Variants in MCTP1 observed in about 807,000 individuals in gnomAD.
MCTP1 encodes the protein multiple C2 and transmembrane domain containing 1, also known as multiple C2 and transmembrane domain-containing protein 1.
In MCTP1, 69 loss-of-function variants were observed where a neutral mutation model predicts 120.6. That is an observed-to-expected ratio of 0.57 (90% CI 0.47 to 0.70). The LOEUF (loss-of-function observed/expected upper bound fraction) is 0.70, where lower values mean the gene tolerates loss of function less well. Ranked by LOEUF, MCTP1 falls within the 30% of genes least tolerant of loss-of-function variation. The pLI, the probability that MCTP1 is intolerant of heterozygous loss-of-function variation, is 0.00. For synonymous variants in MCTP1, 529 were observed against 493.1 expected (o/e 1.07, Z -0.96); for missense variants, 1,203 against 1,248.8 (o/e 0.96, Z 0.55).
chr5:95,117,275 C>G (rs1757889684), intron 1 of MCTP1, among the ~76,000 whole-genome samples: 1 of 151,700 alleles, frequency 6.6e-6, no homozygotes, highest in Non-Finnish European at 1.5e-5. Flanking sequence ...CCTGTAGTCC[C>G]AGCTACTCAG....
At chr5:94,912,235 G>C (rs1487353552) in intron 9 of MCTP1, among the ~76,000 whole-genome samples, 5 of 151,704 alleles carry the variant, frequency 3.3e-5, no homozygotes, top group Non-Finnish European at 7.4e-5. Flanking sequence ...GACCATCCTG[G>C]CTAACATGGT....
chr5:95,264,019 G>T (rs1421977177), intron 1 of MCTP1, among the ~76,000 whole-genome samples: 2 of 152,156 alleles, frequency 1.3e-5, no homozygotes, highest in Non-Finnish European at 2.9e-5. Context: ...TGATGACAGG[G>T]ACAGTAAAAG....
intron 1 of MCTP1, among the ~76,000 whole-genome samples, chr5:95,204,656 T>C (rs1046528943): frequency 7.2e-5 from 11 of 152,126 alleles, no homozygotes; most frequent in African/African-American, 2.2e-4. Context: ...CTACTAAAAC[T>C]AATAAACAAG....
At chr5:95,022,404 T>A (rs1447254763) in intron 1 of MCTP1, among the ~76,000 whole-genome samples, 1 of 152,182 alleles carries the variant, frequency 6.6e-6, no homozygotes, top group Non-Finnish European at 1.5e-5. Context: ...GTTTCCCGTG[T>A]CTTTCTACCC....
chr5:95,154,632 T>C (rs1219060732), intron 1 of MCTP1, among the ~76,000 whole-genome samples: 3 of 152,212 alleles, frequency 2.0e-5, no homozygotes, highest in Non-Finnish European at 4.4e-5. Flanking sequence ...TGTGTAATTA[T>C]GGCAAACAAG....
At chr5:94,864,536 T>C (rs1016142657) in intron 17 of MCTP1, among the ~76,000 whole-genome samples, 1 of 151,920 alleles carries the variant, frequency 6.6e-6, no homozygotes, top group African/African-American at 2.4e-5. Flanking sequence ...AACTGATCAA[T>C]ACTTTGTCTC....
intron 15 of MCTP1, 28 bp downstream of exon 15, chr5:94,870,844 G>C: frequency 6.9e-7 from 1 of 1,457,380 alleles, no homozygotes; most frequent in Non-Finnish European, 9.6e-7. Flanking sequence ...CTCTTTAGCA[G>C]TACAAAAAAG....
At chr5:95,068,651 C>G in intron 1 of MCTP1, 1 of 375,952 alleles carries the variant, frequency 2.7e-6, no homozygotes, top group South Asian at 2.5e-5. Flanking sequence ...ATTTCCTTTG[C>G]TGTTCCCAGT....
chr5:95,122,336 G>A (rs945745700), intron 1 of MCTP1, among the ~76,000 whole-genome samples: 2 of 152,056 alleles, frequency 1.3e-5, no homozygotes, highest in Non-Finnish European at 2.9e-5. Context: ...AAAATAGACA[G>A]AAGATCTGAA....
chr5:95,099,667 T>C (rs1582247787), intron 1 of MCTP1, among the ~76,000 whole-genome samples: 2 of 151,012 alleles, frequency 1.3e-5, no homozygotes, highest in South Asian at 2.1e-4. Flanking sequence ...ACTTTTACAC[T>C]GTTGGTGGGA....
chr5:95,035,012 A>T (rs1156923343), intron 1 of MCTP1, among the ~76,000 whole-genome samples: 1 of 152,130 alleles, frequency 6.6e-6, no homozygotes, highest in Non-Finnish European at 1.5e-5. Flanking sequence ...AATTAAAATC[A>T]CAATAAGATG....
chr5:95,069,372 A>G (rs1436027995), intron 1 of MCTP1, among the ~76,000 whole-genome samples: 6 of 152,224 alleles, frequency 3.9e-5, no homozygotes, highest in African/African-American at 1.4e-4. Context: ...AACATAATAA[A>G]GTAATTCAAA....
At chr5:94,749,734 A>G (rs887845540) in intron 19 of MCTP1, among the ~76,000 whole-genome samples, 2 of 151,272 alleles carry the variant, frequency 1.3e-5, no homozygotes, top group Non-Finnish European at 2.9e-5. Context: ...TTCAGAATCT[A>G]TAGTTATTGG....
At chr5:95,221,418 G>A (rs946854456) in intron 1 of MCTP1, among the ~76,000 whole-genome samples, 1 of 152,136 alleles carries the variant, frequency 6.6e-6, no homozygotes, top group Non-Finnish European at 1.5e-5. Flanking sequence ...CACAGGGACC[G>A]AAACAGAAAG....
At chr5:95,223,850 A>C (rs1753958493) in intron 1 of MCTP1, among the ~76,000 whole-genome samples, 1 of 152,196 alleles carries the variant, frequency 6.6e-6, no homozygotes, top group Non-Finnish European at 1.5e-5. Context: ...GAAGTCTTTA[A>C]GCTGTGACCT....
intron 1 of MCTP1, among the ~76,000 whole-genome samples, chr5:95,219,487 G>T (rs1753443459): frequency 6.6e-6 from 1 of 151,868 alleles, no homozygotes; most frequent in Non-Finnish European, 1.5e-5. Flanking sequence ...GTGTATCTAT[G>T]AGGCTAATCA....
At chr5:94,950,550 T>G (rs923484162) in intron 3 of MCTP1, among the ~76,000 whole-genome samples, 20 of 152,266 alleles carry the variant, frequency 1.3e-4, no homozygotes, top group South Asian at 8.3e-4. Flanking sequence ...ACTATATATA[T>G]AGAGTATATG....
intron 2 of MCTP1, among the ~76,000 whole-genome samples, chr5:95,000,105 C>T (rs990311181): frequency 6.6e-6 from 1 of 152,136 alleles, no homozygotes; most frequent in Non-Finnish European, 1.5e-5. Flanking sequence ...TTATCATGGA[C>T]CTGAAAAATT....
rs1468781963 is a variant in MCTP1, at chr5:94,703,741, T to C, written c.*3755A>G. 6.6e-6 allele frequency: 1 copy of C among 151,464 alleles called. No individual in the cohort carries two copies. The highest frequency in any genetic ancestry group is 2.4e-5 in the African/African-American group (1 of 41,336). The allele number at this position is 151,464 out of a possible 1,614,324, so 9.4% of individuals were successfully genotyped here. A position where few individuals can be genotyped will look rare whatever the true frequency, so the allele number is the denominator to read the frequency against. ...TTTTTTGATTCTTAACCCAGATCCC[T>C]CCTTTGAAAAGCACAGATAGAATCA... On this transcript the variant is annotated 3_prime_UTR_variant, in exon 23 of 23. Coordinates refer to ENST00000515393, the MANE Select transcript of MCTP1 (RefSeq NM_024717.7).
Sources: gnomAD v4.1 joint callset for allele counts (sites outside exome capture counted in the v4.1 genomes callset) on GRCh38, gnomAD v4.1.1 for gene constraint, MANE v1.5 for transcripts, NCBI Gene and HGNC (gene_info 2026-07-23, HGNC 2026-07-21) for gene names.